AMPD3: variants seen among roughly 807,000 people sequenced by gnomAD.
AMPD3 encodes adenosine monophosphate deaminase 3.
A neutral mutation model predicts 82.3 loss-of-function variants in AMPD3; 57 were observed. That is an observed-to-expected ratio of 0.69 (90% confidence interval 0.56 to 0.86). The LOEUF (loss-of-function observed/expected upper bound fraction) is 0.86, where lower values mean the gene tolerates loss of function less well. Among genes scored for constraint, AMPD3 ranks in the 40% least tolerant of loss-of-function variants. The probability of loss-of-function intolerance (pLI) is 0.00; values close to 1 mark genes in which losing one functional copy is unlikely to be tolerated. For synonymous variants in AMPD3, 381 were observed against 394.7 expected, an observed-to-expected ratio of 0.97 and a Z score of 0.41; for missense variants, 870 against 1,003.8, an observed-to-expected ratio of 0.87 and a Z score of 1.80.
intron 6 of AMPD3, 90 bp from the exon 7 acceptor site, chr11:10,493,259 G>C: frequency 6.8e-7 from 1 of 1,474,136 alleles, no homozygotes; most frequent in African/African-American, 1.4e-5. Context: ...TGAGGTGCTG[G>C]GGTTCTGTGC....
chr11:10,502,909 G>A lies in AMPD3; in HGVS notation c.2016+15G>A. ...ACTACACGAAGGTAAGGACTTTGGG[G>A]TGAGGACAGTAGTGCTTCAGTAGGC... On this transcript the variant is annotated intron_variant, in intron 13 of 14. Coordinates refer to ENST00000396553, the MANE Select transcript of AMPD3 (RefSeq NM_001025389.2). 1 of 1,613,792 alleles carries A rather than the reference G, an allele frequency of 6.2e-7. No individual in the cohort carries two copies. The highest frequency in any genetic ancestry group is 1.1e-5 in the South Asian group (1 of 91,070).
chr11:10,478,052 T>C, intron 2 of AMPD3: 3 of 985,424 alleles, frequency 3.0e-6, no homozygotes, highest in Non-Finnish European at 3.6e-6. Flanking sequence ...AAATGCAGTG[T>C]GATTGTCTCT....
chr11:10,472,291 T>C (rs918185897), intron 2 of AMPD3, among the ~76,000 whole-genome samples: 6 of 144,840 alleles, frequency 4.1e-5, no homozygotes, highest in African/African-American at 1.6e-4. Context: ...TGGGGCCTGT[T>C]GGGGGGTGAG....
upstream of AMPD3, chr11:10,450,637 C>T (rs2133795140): frequency 2.0e-6 from 2 of 1,001,576 alleles, no homozygotes; most frequent in Non-Finnish European, 1.2e-6. Flanking sequence ...GCCCAGGAGG[C>T]GGCGGGTGCT....
chr11:10,450,455 G>C (rs1282295244), upstream of AMPD3: 3 of 985,616 alleles, frequency 3.0e-6, no homozygotes, highest in Non-Finnish European at 3.6e-6. Flanking sequence ...TCACCTGTGC[G>C]GGGCCGAGAC....
chr11:10,503,022 C>T, intron 13 of AMPD3, 128 bp downstream of exon 13: 2 of 1,109,372 alleles, frequency 1.8e-6, no homozygotes, highest in Non-Finnish European at 2.6e-6. Flanking sequence ...CCAGTGAAGG[C>T]AGGAAGGAAG....
rs1848083403 is a variant in AMPD3, at chr11:10,456,033, T to C, written c.-6+585T>C. 1.0e-6 allele frequency: 1 copy of C among 985,282 alleles called. No individual in the cohort carries two copies. The highest frequency in any genetic ancestry group is 1.2e-6 in the Non-Finnish European group (1 of 829,942). The allele number at this position is 985,282 out of a possible 1,614,324, so 61.0% of individuals were successfully genotyped here. The stretch of plus-strand genomic sequence containing the variant: ...TGGGCAGGACGGCTGAGTTTACTGT[T>C]GTAAAGAGGAAGCCGCCGCTTTAGT... On this transcript the variant is annotated intron_variant, in intron 1 of 14. Transcript: ENST00000396553. This position sits in a 1 kb window ranked among gnomAD's most constrained non-coding sequence, Gnocchi z 4.3.
chr11:10,495,531 G>A, intron 8 of AMPD3, 39 bp from the exon 9 acceptor site: 1 of 1,612,140 alleles, frequency 6.2e-7, no homozygotes, highest in Non-Finnish European at 8.5e-7. Context: ...CCATGTAGCT[G>A]GGATGCACTG....
At chr11:10,500,315 A>G in intron 11 of AMPD3, 66 bp downstream of exon 11, 4 of 1,565,300 alleles carry the variant, frequency 2.6e-6, no homozygotes, top group Non-Finnish European at 3.5e-6. Flanking sequence ...ATGCACACAC[A>G]TGCACACACA....
chr11:10,482,548 G>A (rs1204106875), intron 4 of AMPD3, among the ~76,000 whole-genome samples: 1 of 151,482 alleles, frequency 6.6e-6, no homozygotes, highest in African/African-American at 2.4e-5. Flanking sequence ...GTCTTGCTCT[G>A]TTGCTCAGGC....
upstream of AMPD3, among the ~76,000 whole-genome samples, chr11:10,451,408 T>TCCAGGAGCC (rs1847959675): frequency 6.6e-6 from 1 of 152,238 alleles, no homozygotes; most frequent in African/African-American, 2.4e-5. Flanking sequence ...GAGGTGGACT[T>TCCAGGAGCC]CTACCTGGAG....
chr11:10,473,750 C>A (rs1407920049), intron 2 of AMPD3, among the ~76,000 whole-genome samples: 1 of 152,154 alleles, frequency 6.6e-6, no homozygotes, highest in African/African-American at 2.4e-5. Context: ...GTCAGCCCCT[C>A]TTAGTTCCCT....
chr11:10,469,575 G>A (rs889883515), intron 2 of AMPD3, among the ~76,000 whole-genome samples: 2 of 152,142 alleles, frequency 1.3e-5, no homozygotes, highest in African/African-American at 4.8e-5. Flanking sequence ...GTACAAAGAG[G>A]AGCTGGTACC....
intron 6 of AMPD3, among the ~76,000 whole-genome samples, chr11:10,492,096 G>C (rs1458770357): frequency 6.6e-6 from 1 of 152,176 alleles, no homozygotes; most frequent in Non-Finnish European, 1.5e-5. Context: ...GAGATGCAAG[G>C]GGTCGGTCTG....
chr11:10,486,388 C>A (rs989685330), intron 5 of AMPD3, among the ~76,000 whole-genome samples: 1 of 152,074 alleles, frequency 6.6e-6, no homozygotes, highest in South Asian at 2.1e-4. Flanking sequence ...GAATTGTGGT[C>A]GAAGGTTCCA....
intron 2 of AMPD3, 101 bp from the exon 3 acceptor site, chr11:10,478,425 T>G: frequency 6.3e-7 from 1 of 1,581,688 alleles, no homozygotes; most frequent in Admixed American, 1.7e-5. Context: ...CAGTGATTAA[T>G]CATAGCAAAA....
chr11:10,493,900 G>A (rs1031042144), intron 7 of AMPD3, among the ~76,000 whole-genome samples: 4 of 152,186 alleles, frequency 2.6e-5, no homozygotes, highest in Admixed American at 2.6e-4. Context: ...AAATGATGGT[G>A]TAACTGCTAT....
At chr11:10,463,484 G>C (rs1480841974) in intron 2 of AMPD3, among the ~76,000 whole-genome samples, 2 of 152,216 alleles carry the variant, frequency 1.3e-5, no homozygotes, top group Admixed American at 1.3e-4. Flanking sequence ...CACACTCCGT[G>C]GGTGGAACAG....
chr11:10,487,156 C>T, intron 5 of AMPD3, 79 bp from the exon 6 acceptor site: 2 of 1,605,068 alleles, frequency 1.2e-6, no homozygotes, highest in South Asian at 1.1e-5. Flanking sequence ...CAGGGTTGGC[C>T]CCTGCAGATG....
Sources: gnomAD v4.1 joint callset for allele counts (sites outside exome capture counted in the v4.1 genomes callset) on GRCh38, gnomAD v4.1.1 for gene constraint, Gnocchi (gnomAD v3.1) non-coding constraint, MANE v1.5 for transcripts, NCBI Gene and HGNC (gene_info 2026-07-23, HGNC 2026-07-21) for gene names.